PIWIL2: variants seen among roughly 807,000 people sequenced by gnomAD.
PIWIL2 encodes the protein piwi like RNA-mediated gene silencing 2.
In PIWIL2, 81 loss-of-function variants were observed where a neutral mutation model predicts 116.5. The ratio of observed to expected loss-of-function variants is 0.70; its 90% CI spans 0.58 to 0.84. The LOEUF (loss-of-function observed/expected upper bound fraction) is 0.84, where lower values mean the gene tolerates loss of function less well. Among genes scored for constraint, PIWIL2 ranks in the 40% least tolerant of loss-of-function variants. PIWIL2 has a pLI of 0.00. For synonymous variants in PIWIL2, 489 were observed against 429.5 expected, an observed-to-expected ratio of 1.14 and a Z score of -1.71; for missense variants, 1,272 against 1,212.3, an observed-to-expected ratio of 1.05 and a Z score of -0.73.
intron 22 of PIWIL2, 57 bp downstream of exon 22, chr8:22,354,435 T>G: frequency 9.5e-7 from 1 of 1,057,854 alleles, no homozygotes; most frequent in Non-Finnish European, 1.5e-6. Flanking sequence ...GCCTGCTAGC[T>G]AAGATGGGCT....
chr8:22,303,175 A>G (rs910126339), intron 10 of PIWIL2, among the ~76,000 whole-genome samples: 1 of 152,210 alleles, frequency 6.6e-6, no homozygotes, highest in Non-Finnish European at 1.5e-5. Context: ...GTGACATGCA[A>G]CAGTTTGGTA....
intron 11 of PIWIL2, 92 bp downstream of exon 11, chr8:22,304,301 A>G: frequency 1.3e-6 from 1 of 743,058 alleles, no homozygotes; most frequent in Non-Finnish European, 2.3e-6. Flanking sequence ...ATAGCATACC[A>G]CTTGACACTT....
In PIWIL2 at chr8:22,280,717, C is replaced by G. The variant is rs576359024; in HGVS notation, c.199-403C>G. On this transcript the variant is annotated intron_variant, in intron 2 of 22. Transcript: ENST00000356766. ...ATCCAGCTTTTTTGAAATGTATTAACCAGTACACTTGTTCTCTCTTGCCTT... is the reference window on the plus strand; with the variant it reads ...ATCCAGCTTTTTTGAAATGTATTAAGCAGTACACTTGTTCTCTCTTGCCTT... 2.0e-5 allele frequency among the ~76,000 whole-genome samples: 3 copies of G among 152,254 alleles called. No homozygotes were observed. In the East Asian group the frequency reaches 5.8e-4, roughly 29 times the overall value.
chr8:22,354,955 AGCTACTCGGGAG>A (rs1284901928), intron 22 of PIWIL2, among the ~76,000 whole-genome samples: 1 of 152,128 alleles, frequency 6.6e-6, no homozygotes, highest in Non-Finnish European at 1.5e-5. Context: ...CTATAATCCC[AGCTACTCGGGAG>A]GCTGAGTTGG....
At chr8:22,342,926 C>T (rs1178797746) in intron 20 of PIWIL2, among the ~76,000 whole-genome samples, 1 of 152,000 alleles carries the variant, frequency 6.6e-6, no homozygotes, top group Non-Finnish European at 1.5e-5. Context: ...AATGAACAAC[C>T]CAATTAGAAA....
rs750848285 is a variant in PIWIL2 at position 22,287,533 on chromosome 8, A to G, written c.749A>G (p.Asn250Ser). 8 of 1,605,320 alleles carry G rather than the reference A, an allele frequency of 5.0e-6. No individual in the cohort carries two copies. In the African/African-American group the frequency reaches 5.4e-5, roughly 11 times the overall value. ...TCCTCTTCATTATTTTCCAGCCCCA[A>G]TGTGGAGTGCAAAAGCATGAGGTTC... ...VYQYHVTFSP[N>S]VECKSMRFGM... Residue 250 changes from asparagine to serine, a missense_variant, in exon 7 of 23, where the codon AAT becomes AGT. Asn to Ser is a conservative substitution (Grantham distance 46). Coordinates refer to ENST00000356766, the MANE Select transcript of PIWIL2 (RefSeq NM_018068.5).
chr8:22,319,182 GA>G (rs1722247611), intron 20 of PIWIL2, among the ~76,000 whole-genome samples: 1 of 152,194 alleles, frequency 6.6e-6, no homozygotes, highest in African/African-American at 2.4e-5. Flanking sequence ...TAAGCAGCAA[GA>G]AATGTCGTAA....
In PIWIL2 at chr8:22,288,613, C is replaced by G; in HGVS notation, c.933C>G (p.Ile311Met). 1.2e-6 allele frequency: 2 copies of G among 1,613,516 alleles called. No homozygotes were observed. The highest frequency in any genetic ancestry group is 1.7e-5 in the Admixed American group (1 of 60,022). The change falls in exon 8 of 23, where the codon ATC (isoleucine) becomes ATG (methionine). Residue 311 changes from isoleucine to methionine, a missense_variant. Ile to Met is a conservative substitution (Grantham distance 10). Transcript: ENST00000356766. ...EISIKIQMTKILEPCSDLCIP... is the reference protein window; with the variant it reads ...EISIKIQMTKMLEPCSDLCIP... ...GCATTAAGATTCAGATGACAAAGATCCTGGAGCCCTGCTCTGACCTGTGCA... is the reference window on the plus strand; with the variant it reads ...GCATTAAGATTCAGATGACAAAGATGCTGGAGCCCTGCTCTGACCTGTGCA...
chr8:22,329,399 C>T (rs1374864204), intron 20 of PIWIL2, among the ~76,000 whole-genome samples: 1 of 152,172 alleles, frequency 6.6e-6, no homozygotes, highest in Non-Finnish European at 1.5e-5. Context: ...AGGGAGGCCT[C>T]AGGAAGCTTA....
At chr8:22,319,835 G>A (rs1294200626) in intron 20 of PIWIL2, among the ~76,000 whole-genome samples, 1 of 152,160 alleles carries the variant, frequency 6.6e-6, no homozygotes, top group African/African-American at 2.4e-5. Flanking sequence ...TATCACTTCT[G>A]CTGCATTCTA....
chr8:22,344,775 C>A (rs1047339957), intron 20 of PIWIL2, among the ~76,000 whole-genome samples: 1 of 151,694 alleles, frequency 6.6e-6, no homozygotes, highest in Non-Finnish European at 1.5e-5. Context: ...ACTCAAGAGG[C>A]TGAAGTGGGA....
intron 4 of PIWIL2, among the ~76,000 whole-genome samples, chr8:22,282,641 A>G (rs1288039339): frequency 1.3e-5 from 2 of 151,758 alleles, no homozygotes; most frequent in Non-Finnish European, 2.9e-5. Context: ...CCCAGGCTTT[A>G]GTGCAGTGGT....
chr8:22,286,665 A>C (rs1391761296), intron 6 of PIWIL2, among the ~76,000 whole-genome samples: 1 of 152,132 alleles, frequency 6.6e-6, no homozygotes, highest in Non-Finnish European at 1.5e-5. Flanking sequence ...TCTGTTGCGC[A>C]GGCCGGAGTG....
intron 6 of PIWIL2, 72 bp from the exon 7 acceptor site, chr8:22,287,456 C>T (rs1184795900): frequency 1.1e-6 from 1 of 935,530 alleles, no homozygotes; most frequent in Non-Finnish European, 1.8e-6. Flanking sequence ...GTAACTAGCA[C>T]CTGTTGCACA....
intron 16 of PIWIL2, among the ~76,000 whole-genome samples, chr8:22,313,141 T>G (rs574812741): frequency 6.6e-6 from 1 of 152,348 alleles, no homozygotes; most frequent in Non-Finnish European, 1.5e-5. Context: ...TGGATGTGAA[T>G]TTCATTCATA....
chr8:22,316,913 C>T (rs1831473788), intron 19 of PIWIL2, among the ~76,000 whole-genome samples: 1 of 151,884 alleles, frequency 6.6e-6, no homozygotes, highest in African/African-American at 2.4e-5. Flanking sequence ...CTCAGCCTCC[C>T]GAGTAGCTGG....
intron 20 of PIWIL2, among the ~76,000 whole-genome samples, chr8:22,327,927 C>G (rs185316515): frequency 1.3e-5 from 2 of 152,314 alleles, no homozygotes; most frequent in Admixed American, 1.3e-4. Context: ...ATAATGGTCT[C>G]TGCTGCACGA....
chr8:22,356,974 A>G lies in PIWIL2; in HGVS notation c.*1469A>G, dbSNP rs1328665843. The G allele has an allele frequency of 1.3e-5, 2 of 151,798 alleles. No individual in the cohort carries two copies. The highest frequency in any genetic ancestry group is 2.9e-5 in the Non-Finnish European group (2 of 67,984). The allele number at this position is 151,798 out of a possible 1,614,324, so 9.4% of individuals were successfully genotyped here. ...ATTTAAGCTTTTCTAATTTGTATTT[A>G]TGTACTTATTTATTTTTTGGTATGA... On this transcript the variant is annotated 3_prime_UTR_variant, in exon 23 of 23. Transcript: ENST00000356766.
chr8:22,300,450 T>A (rs553662022), intron 10 of PIWIL2, among the ~76,000 whole-genome samples: 4 of 152,348 alleles, frequency 2.6e-5, no homozygotes, highest in Non-Finnish European at 4.4e-5. Context: ...CTGTTACAAA[T>A]AAAGTTGCTA....
Sources: gnomAD v4.1 joint callset for allele counts (sites outside exome capture counted in the v4.1 genomes callset) on GRCh38, gnomAD v4.1.1 for gene constraint, MANE v1.5 for transcripts, NCBI Gene and HGNC (gene_info 2026-07-23, HGNC 2026-07-21) for gene names.